Variants in ROCK2 observed in about 807,000 individuals in gnomAD.
ROCK2 encodes the protein Rho associated coiled-coil containing protein kinase 2.
ROCK2 carries 61 observed loss-of-function variants against 195.1 expected under a neutral mutation model. The observed-to-expected ratio is 0.31, with a 90% CI of 0.25 to 0.39. The LOEUF (loss-of-function observed/expected upper bound fraction) is 0.39. Among genes scored for constraint, ROCK2 ranks in the 10% least tolerant of loss-of-function variants. The pLI, the probability that ROCK2 is intolerant of heterozygous loss-of-function variation, is 1.00. For missense variants in ROCK2, 1,109 were observed against 1,637.4 expected (o/e 0.68, Z 5.57); for synonymous variants, 504 against 545.5 (o/e 0.92, Z 1.06).
rs571773518 is a variant in ROCK2 at position 11,287,762 on chromosome 2, G to C, written c.142-26C>G. On this transcript the variant is annotated intron_variant, in intron 1 of 32. Coordinates refer to ENST00000315872, the MANE Select transcript of ROCK2 (RefSeq NM_004850.5). The stretch of plus-strand genomic sequence containing the variant: ...CTGTTAAGAAATAAAAAGAGGAAAT[G>C]ACAGTTTTTACAATTTCCAAGCATT... The C allele has an allele frequency of 8.3e-6, 8 of 962,876 alleles. No individual in the cohort carries two copies. The East Asian group carries it at 2.2e-4, about 27-fold the overall frequency. The allele number at this position is 962,876 out of a possible 1,614,324, so 59.6% of individuals were successfully genotyped here.
At chr2:11,198,888 T>TC (rs1572231490) in intron 23 of ROCK2, 114 bp from the exon 24 acceptor site, 7 of 691,486 alleles carry the variant, frequency 1.0e-5, no homozygotes, top group South Asian at 2.1e-5. Flanking sequence ...TTTTTCTTTT[T>TC]TTTTTTTTTT....
At chr2:11,267,347 C>T (rs566932163) in intron 3 of ROCK2, among the ~76,000 whole-genome samples, 4 of 152,248 alleles carry the variant, frequency 2.6e-5, no homozygotes, top group East Asian at 1.9e-4. Flanking sequence ...GTGGTCACCA[C>T]GATCTCTGAG....
At chr2:11,337,670 T>C (rs1034819750) in intron 1 of ROCK2, among the ~76,000 whole-genome samples, 3 of 152,036 alleles carry the variant, frequency 2.0e-5, no homozygotes, top group Admixed American at 1.3e-4. Context: ...CTCACTCTTG[T>C]TGCCCAGGCT....
intron 3 of ROCK2, among the ~76,000 whole-genome samples, chr2:11,279,063 T>C (rs1179817127): frequency 7.0e-6 from 1 of 143,376 alleles, no homozygotes; most frequent in Non-Finnish European, 1.5e-5. Context: ...GAAAATGAAA[T>C]CACATTAAAT....
chr2:11,197,439 G>C lies in ROCK2; in HGVS notation c.3279+87C>G. ...TCAATAATAATTATTAAATAGAAAT[G>C]GTCTATAACCAGTAAAACACAGACA... is the stretch of plus-strand genomic sequence containing the variant. On this transcript the variant is annotated intron_variant, in intron 26 of 32. Coordinates refer to ENST00000315872, the MANE Select transcript of ROCK2 (RefSeq NM_004850.5). The surrounding 1 kb of genome is among the most constrained non-coding windows in gnomAD (Gnocchi z 4.9). The C allele has an allele frequency of 6.6e-7, 1 of 1,521,572 alleles. No homozygotes were observed. Among genetic ancestry groups the C allele is most frequent in the Non-Finnish European group, 9.0e-7 (1 of 1,115,400 alleles). 94.3% of individuals were successfully genotyped at this position (1,521,572 alleles called of 1,614,324 possible). A position where few individuals can be genotyped will look rare whatever the true frequency, so the allele number is the denominator to read the frequency against.
chr2:11,185,756 AAAAT>A (rs1009601842), intron 32 of ROCK2, among the ~76,000 whole-genome samples: 15 of 135,336 alleles, frequency 1.1e-4, no homozygotes, highest in Middle Eastern at 3.7e-3. Flanking sequence ...AATAAAAATA[AAAAT>A]AAATAAATAA....
intron 1 of ROCK2, among the ~76,000 whole-genome samples, chr2:11,341,453 T>G (rs913316361): frequency 6.6e-6 from 1 of 152,238 alleles, no homozygotes; most frequent in African/African-American, 2.4e-5. Context: ...AGCACTGTGA[T>G]GTACCAAGCA....
intron 5 of ROCK2, among the ~76,000 whole-genome samples, chr2:11,231,044 AACCTTTTGAAAATGCAT>A (rs1166387732): frequency 1.2e-4 from 18 of 152,210 alleles, no homozygotes; most frequent in African/African-American, 4.3e-4. Context: ...TAATCTGAGA[AACCTTTTGAAAATGCAT>A]ACCTTTTTTT....
In ROCK2 at chr2:11,214,473, GCAACGTT is replaced by G; in HGVS notation, c.1937-17_1937-11del. 1 of 1,502,808 alleles carries G rather than the reference GCAACGTT, an allele frequency of 6.7e-7. No individual in the cohort carries two copies. The highest frequency in any genetic ancestry group is 9.2e-7 in the Non-Finnish European group (1 of 1,089,502). 93.1% of individuals were successfully genotyped at this position (1,502,808 alleles called of 1,614,324 possible). On this transcript the variant is annotated splice_polypyrimidine_tract_variant and intron_variant, in intron 16 of 32. Coordinates refer to ENST00000315872, the MANE Select transcript of ROCK2 (RefSeq NM_004850.5). ...AGGCCACATATTCTACCTAAAAATT[GCAACGTT>G]TTTTTAAAACATTAAACCCACAAAG...
At position 11,197,033 on chromosome 2, in the gene ROCK2, A is replaced by C. The variant is rs577465169; in HGVS notation, c.3448+147T>G. 4.5e-6 allele frequency: 2 copies of C among 447,438 alleles called. No individual in the cohort carries two copies. The highest frequency in any genetic ancestry group is 7.7e-6 in the Non-Finnish European group (2 of 258,114). The allele number at this position is 447,438 out of a possible 1,614,324, so 27.7% of individuals were successfully genotyped here. ...AATCAATAAATAAAATAAGTTTGAAATGTTACTTGAATCCTTACTCCAAGG... is the reference window on the plus strand; with the variant it reads ...AATCAATAAATAAAATAAGTTTGAACTGTTACTTGAATCCTTACTCCAAGG... On this transcript the variant is annotated intron_variant, in intron 27 of 32. Transcript: ENST00000315872. The surrounding 1 kb of genome is among the most constrained non-coding windows in gnomAD (Gnocchi z 4.9).
In ROCK2 at chr2:11,224,317, A is replaced by G. The variant is rs377725130; in HGVS notation, c.1007+5T>C. The stretch of plus-strand genomic sequence containing the variant: ...TTCTCTACAAAGAAATTCAATGTAC[A>G]TTACCTATCTGTTAAGAAAGCACAG... On this transcript the variant is annotated splice_donor_5th_base_variant and intron_variant, in intron 7 of 32. Coordinates refer to ENST00000315872, the MANE Select transcript of ROCK2 (RefSeq NM_004850.5). 3.2e-5 allele frequency: 51 copies of G among 1,608,144 alleles called. No homozygotes were observed. The highest frequency in any genetic ancestry group is 4.0e-5 in the Non-Finnish European group (47 of 1,177,848).
chr2:11,326,335 C>A (rs1175266023), intron 1 of ROCK2, among the ~76,000 whole-genome samples: 1 of 152,122 alleles, frequency 6.6e-6, no homozygotes, highest in Non-Finnish European at 1.5e-5. Context: ...TAGAAGCCAA[C>A]AGAAGACAGC....
At chr2:11,245,043 CT>C (rs1027634293) in intron 4 of ROCK2, among the ~76,000 whole-genome samples, 6 of 151,742 alleles carry the variant, frequency 4.0e-5, no homozygotes, top group African/African-American at 1.4e-4. Context: ...CAGTATCCCA[CT>C]TTTAAAAATC....
intron 1 of ROCK2, among the ~76,000 whole-genome samples, chr2:11,334,727 C>G (rs73915164): frequency 7.0e-6 from 1 of 143,294 alleles, no homozygotes; most frequent in Non-Finnish European, 1.6e-5. Flanking sequence ...CCTGCTCTGG[C>G]GCGTTTCTAT....
intron 27 of ROCK2, chr2:11,195,346 A>G (rs1663591497): frequency 6.0e-6 from 1 of 166,376 alleles, no homozygotes; most frequent in Non-Finnish European, 1.3e-5. Context: ...AGCAGCAGCA[A>G]CTCTCTATTC....
chr2:11,330,997 A>G (rs1445599303), intron 1 of ROCK2, among the ~76,000 whole-genome samples: 3 of 9,948 alleles, frequency 3.0e-4, no homozygotes, highest in Non-Finnish European at 5.6e-4. Flanking sequence ...AAAGAGGAGG[A>G]GGGAGGAAGG....
Position 11,201,970 on chromosome 2 carries a change from T to C in ROCK2, c.2619+82A>G. 1 of 1,014,308 alleles carries C rather than the reference T, an allele frequency of 9.9e-7. No individual in the cohort carries two copies. Among genetic ancestry groups the C allele is most frequent in the Admixed American group, 1.7e-5 (1 of 57,356 alleles). The allele number at this position is 1,014,308 out of a possible 1,614,324, so 62.8% of individuals were successfully genotyped here. On this transcript the variant is annotated intron_variant, in intron 21 of 32. Coordinates refer to ENST00000315872, the MANE Select transcript of ROCK2 (RefSeq NM_004850.5). This position sits in a 1 kb window ranked among gnomAD's most constrained non-coding sequence, Gnocchi z 4.6. ...ACATTCTTTTGCCCAGCTGCTCTTT[T>C]TATATGAGTTGTATGGTATAAATAA...
intron 18 of ROCK2, among the ~76,000 whole-genome samples, chr2:11,210,464 C>G (rs377173086): frequency 6.6e-6 from 1 of 151,918 alleles, no homozygotes. Flanking sequence ...AGTCCTACTC[C>G]CAAGTAGCTC....
At chr2:11,339,220 C>A (rs1669028669) in intron 1 of ROCK2, among the ~76,000 whole-genome samples, 1 of 151,678 alleles carries the variant, frequency 6.6e-6, no homozygotes, top group Non-Finnish European at 1.5e-5. Flanking sequence ...TTTAAGTGAA[C>A]CAAAAATAAA....
Sources: gnomAD v4.1 joint callset for allele counts (sites outside exome capture counted in the v4.1 genomes callset) on GRCh38, gnomAD v4.1.1 for gene constraint, Gnocchi (gnomAD v3.1) non-coding constraint, MANE v1.5 for transcripts, NCBI Gene and HGNC (gene_info 2026-07-23, HGNC 2026-07-21) for gene names.